Variants in SLC30A8 observed in about 807,000 individuals in gnomAD.
SLC30A8 encodes proton-coupled zinc antiporter SLC30A8.
SLC30A8 carries 27 observed loss-of-function variants against 36.9 expected under a neutral mutation model. The ratio of observed to expected loss-of-function variants is 0.73; its 90% CI spans 0.54 to 1.01. The LOEUF is 1.01. Ranked by LOEUF, SLC30A8 falls within the 50% of genes least tolerant of loss-of-function variation. The pLI is 0.00. For synonymous variants in SLC30A8, 164 were observed against 172.4 expected (o/e 0.95, Z 0.38); for missense variants, 439 against 452.0 (o/e 0.97, Z 0.26).
upstream of SLC30A8, among the ~76,000 whole-genome samples, chr8:117,133,821 C>A (rs2130929256): frequency 6.6e-6 from 1 of 152,008 alleles, no homozygotes; most frequent in Middle Eastern, 3.4e-3. Flanking sequence ...GGTTTTTATT[C>A]TGCTAACAGT....
chr8:116,979,567 T>C (rs1815185705), intron 1 of SLC30A8, among the ~76,000 whole-genome samples: 1 of 152,146 alleles, frequency 6.6e-6, no homozygotes, highest in Non-Finnish European at 1.5e-5. Context: ...TTTGTCCAAG[T>C]CTTGAAAATT....
chr8:117,052,882 G>A (rs1389784538), intron 2 of SLC30A8, among the ~76,000 whole-genome samples: 1 of 151,130 alleles, frequency 6.6e-6, no homozygotes, highest in Admixed American at 6.6e-5. Context: ...TCAGGGTAAT[G>A]TAAGTATGTG....
At chr8:117,171,742 CT>C (rs1342216389) in intron 7 of SLC30A8, among the ~76,000 whole-genome samples, 1 of 152,076 alleles carries the variant, frequency 6.6e-6, no homozygotes, top group Non-Finnish European at 1.5e-5. Flanking sequence ...TTAATTTTGT[CT>C]CTGATATGTC....
chr8:116,994,136 C>T (rs1815738156), intron 1 of SLC30A8, among the ~76,000 whole-genome samples: 1 of 151,782 alleles, frequency 6.6e-6, no homozygotes, highest in South Asian at 2.1e-4. Flanking sequence ...GAAATAAAAC[C>T]ACTTCACAGA....
At chr8:117,090,459 C>T (rs938994710) in intron 2 of SLC30A8, among the ~76,000 whole-genome samples, 1 of 152,168 alleles carries the variant, frequency 6.6e-6, no homozygotes, top group Non-Finnish European at 1.5e-5. Flanking sequence ...GTGTATTTCT[C>T]ACAGTTCTGG....
intron 1 of SLC30A8, among the ~76,000 whole-genome samples, chr8:117,025,077 T>C (rs11781519): frequency 0.13 from 20,496 of 152,230 alleles, 1,460 homozygotes; most frequent in East Asian, 0.18. Flanking sequence ...TGTCACTTAG[T>C]TTAAGCAGGA....
chr8:117,065,162 A>G (rs1238833371), intron 2 of SLC30A8, among the ~76,000 whole-genome samples: 1 of 152,158 alleles, frequency 6.6e-6, no homozygotes, highest in African/African-American at 2.4e-5. Flanking sequence ...AAAACTGGAG[A>G]CCATAAACTA....
chr8:117,044,233 G>T (rs1324490821), intron 2 of SLC30A8, among the ~76,000 whole-genome samples: 1 of 152,204 alleles, frequency 6.6e-6, no homozygotes, highest in Non-Finnish European at 1.5e-5. Flanking sequence ...ATTCACCATT[G>T]TTTCTGGGGC....
chr8:117,094,795 C>G (rs1166124912), intron 2 of SLC30A8, among the ~76,000 whole-genome samples: 1 of 152,208 alleles, frequency 6.6e-6, no homozygotes, highest in Non-Finnish European at 1.5e-5. Context: ...CCAGGCTGTT[C>G]ATGCCATGGG....
intron 1 of SLC30A8, among the ~76,000 whole-genome samples, chr8:116,981,336 C>T (rs1815252141): frequency 6.6e-6 from 1 of 152,204 alleles, no homozygotes; most frequent in South Asian, 2.1e-4. Context: ...TTCCACAGTC[C>T]TCTCTTGGTT....
chr8:117,003,097 T>C (rs1816065883), intron 1 of SLC30A8, among the ~76,000 whole-genome samples: 1 of 152,210 alleles, frequency 6.6e-6, no homozygotes, highest in Non-Finnish European at 1.5e-5. Context: ...TTGAATGTCA[T>C]AGCCTTCAGT....
At chr8:117,032,767 G>A (rs1401539082) in intron 1 of SLC30A8, among the ~76,000 whole-genome samples, 1 of 152,078 alleles carries the variant, frequency 6.6e-6, no homozygotes, top group Non-Finnish European at 1.5e-5. Flanking sequence ...GTGGGTGCCT[G>A]TAATCTCAGC....
At chr8:117,051,641 A>T (rs946022970) in intron 2 of SLC30A8, among the ~76,000 whole-genome samples, 4 of 151,822 alleles carry the variant, frequency 2.6e-5, no homozygotes, top group African/African-American at 9.7e-5. Flanking sequence ...GTGAAACCCC[A>T]TCTCTACTAA....
intron 1 of SLC30A8, among the ~76,000 whole-genome samples, chr8:117,135,995 TATAATG>T (rs1170613604): frequency 2.6e-5 from 4 of 151,928 alleles, no homozygotes; most frequent in East Asian, 1.9e-4. Context: ...GTGCAGAACT[TATAATG>T]AGAAAGAAAA....
At chr8:117,098,702 CAAAT>C (rs1216791761) in intron 2 of SLC30A8, among the ~76,000 whole-genome samples, 1 of 152,046 alleles carries the variant, frequency 6.6e-6, no homozygotes, top group African/African-American at 2.4e-5. Context: ...AAAGAAATGC[CAAAT>C]AAAGCATGCA....
chr8:116,994,055 A>G (rs548462964), intron 1 of SLC30A8, among the ~76,000 whole-genome samples: 10 of 151,972 alleles, frequency 6.6e-5, no homozygotes, highest in Non-Finnish European at 1.2e-4. Flanking sequence ...AAATAAAAAA[A>G]AAAGAAAGAA....
At chr8:117,128,790 AAG>A (rs1821017606) in intron 2 of SLC30A8, among the ~76,000 whole-genome samples, 2 of 152,030 alleles carry the variant, frequency 1.3e-5, no homozygotes, top group South Asian at 2.1e-4. Context: ...ATGAAGGAAA[AAG>A]GGGATTATTT....
intron 1 of SLC30A8, among the ~76,000 whole-genome samples, chr8:117,017,231 A>G (rs1212717896): frequency 6.6e-6 from 1 of 152,174 alleles, no homozygotes; most frequent in East Asian, 1.9e-4. Flanking sequence ...TGCTGCTGTT[A>G]TTAATATTAT....
chr8:117,166,788 T>G (rs12674490), intron 6 of SLC30A8, among the ~76,000 whole-genome samples: 1 of 136,548 alleles, frequency 7.3e-6, no homozygotes, highest in Non-Finnish European at 1.7e-5. Context: ...TTTTTTTTTG[T>G]CCAGCACATT....
Sources: allele counts gnomAD v4.1 joint callset (sites outside exome capture counted in the v4.1 genomes callset), GRCh38; gene constraint gnomAD v4.1.1; transcripts MANE v1.5; gene names NCBI Gene and HGNC (gene_info 2026-07-23, HGNC 2026-07-21).